Variants in CPEB4 observed in about 807,000 individuals in gnomAD.
CPEB4 encodes the protein cytoplasmic polyadenylation element-binding protein 4.
In CPEB4, 12 loss-of-function variants were observed where a neutral mutation model predicts 72.5. The observed-to-expected ratio is 0.17, with a 90% confidence interval of 0.11 to 0.27. The LOEUF (loss-of-function observed/expected upper bound fraction) is 0.27, where lower values mean the gene tolerates loss of function less well. CPEB4 is among the 10% of genes least tolerant of loss of function. The probability of loss-of-function intolerance (pLI) is 1.00; values close to 1 mark genes in which losing one functional copy is unlikely to be tolerated. For missense variants in CPEB4, 614 were observed against 908.5 expected (o/e 0.68, Z 4.17); for synonymous variants, 302 against 326.3 (o/e 0.93, Z 0.80).
chr5:173,919,942 A>G (rs1224236213), intron 2 of CPEB4, among the ~76,000 whole-genome samples: 2 of 152,228 alleles, frequency 1.3e-5, no homozygotes, highest in Non-Finnish European at 2.9e-5. Flanking sequence ...AAAACTAAAA[A>G]GGAGGAGAGA....
At chr5:173,937,743 C>T (rs944244862) in intron 3 of CPEB4, among the ~76,000 whole-genome samples, 1 of 152,076 alleles carries the variant, frequency 6.6e-6, no homozygotes, top group African/African-American at 2.4e-5. Context: ...TCATTTGCTT[C>T]CCATTTTTAT....
At chr5:173,933,977 A>G (rs1757531981) in intron 3 of CPEB4, among the ~76,000 whole-genome samples, 1 of 152,196 alleles carries the variant, frequency 6.6e-6, no homozygotes, top group South Asian at 2.1e-4. Flanking sequence ...GAGTCCAGGA[A>G]TTCAACACCA....
chr5:173,910,035 A>G (rs1169996267), intron 1 of CPEB4, among the ~76,000 whole-genome samples: 1 of 146,472 alleles, frequency 6.8e-6, no homozygotes, highest in Non-Finnish European at 1.5e-5. Flanking sequence ...TTTTTTTTGT[A>G]TGCTTTACCA....
chr5:173,961,361 T>C lies in CPEB4; in HGVS notation c.*5224T>C, dbSNP rs1758544647. 6.6e-6 allele frequency: 1 copy of C among 152,238 alleles called. No homozygotes were observed. Among genetic ancestry groups the C allele is most frequent in the African/African-American group, 2.4e-5 (1 of 41,474 alleles). 9.4% of individuals were successfully genotyped at this position (152,238 alleles called of 1,614,324 possible). A position where few individuals can be genotyped will look rare whatever the true frequency, so the allele number is the denominator to read the frequency against. On this transcript the variant is annotated 3_prime_UTR_variant, in exon 10 of 10. Transcript: ENST00000265085. ...AAAAAGATAGCCCAAGCATATTTAGTTTATTTTAGGAAATGTTTATTTCAG... is the reference window on the plus strand; with the variant it reads ...AAAAAGATAGCCCAAGCATATTTAGCTTATTTTAGGAAATGTTTATTTCAG...
intron 2 of CPEB4, among the ~76,000 whole-genome samples, chr5:173,921,799 G>C (rs1275033683): frequency 6.6e-6 from 1 of 152,236 alleles, no homozygotes; most frequent in Non-Finnish European, 1.5e-5. Flanking sequence ...TTGAAGGATA[G>C]TTTTGATGCT....
intron 5 of CPEB4, among the ~76,000 whole-genome samples, chr5:173,945,960 T>C (rs1343560529): frequency 6.6e-6 from 1 of 152,250 alleles, no homozygotes; most frequent in East Asian, 1.9e-4. Context: ...TAATTTCTTT[T>C]GTCTTCGTTT....
chr5:173,929,633 G>A (rs938514570), intron 2 of CPEB4, among the ~76,000 whole-genome samples: 1 of 152,224 alleles, frequency 6.6e-6, no homozygotes, highest in South Asian at 2.1e-4. Flanking sequence ...CTGGGAGGTC[G>A]AGGCTGGAGC....
chr5:173,906,270 A>G (rs183304059), intron 1 of CPEB4, among the ~76,000 whole-genome samples: 58 of 152,302 alleles, frequency 3.8e-4, no homozygotes, highest in Non-Finnish European at 6.8e-4. Flanking sequence ...GGGTTTGTTT[A>G]TCTGTGTCCC....
chr5:173,940,260 A>G (rs1757790459), intron 3 of CPEB4, among the ~76,000 whole-genome samples: 1 of 152,200 alleles, frequency 6.6e-6, no homozygotes, highest in Non-Finnish European at 1.5e-5. Flanking sequence ...TGGTAACTGA[A>G]GGAAACTTCT....
Position 173,888,521 on chromosome 5 carries a change from C to A in CPEB4, c.-1213C>A. The A allele has an allele frequency of 2.5e-6, 1 of 405,924 alleles. No homozygotes were observed. The highest frequency in any genetic ancestry group is 4.4e-5 in the Admixed American group (1 of 22,792). The allele number at this position is 405,924 out of a possible 1,614,324, so 25.1% of individuals were successfully genotyped here. On this transcript the variant is annotated 5_prime_UTR_variant, in exon 1 of 10. Transcript: ENST00000265085. The surrounding 1 kb of genome is among the most constrained non-coding windows in gnomAD (Gnocchi z 4.3). ...TCCTCAACAACGACAGCGGGGACTGCGGGACCAGGGTAAAGCGGCGACGGC... is the reference window on the plus strand; with the variant it reads ...TCCTCAACAACGACAGCGGGGACTGAGGGACCAGGGTAAAGCGGCGACGGC...
intron 2 of CPEB4, among the ~76,000 whole-genome samples, chr5:173,916,296 A>C (rs10475597): frequency 6.6e-6 from 1 of 152,236 alleles, no homozygotes; most frequent in East Asian, 1.9e-4. Context: ...GAAAGGCTCA[A>C]CATATCCACC....
chr5:173,954,347 G>C (rs1219257293), intron 9 of CPEB4, among the ~76,000 whole-genome samples: 2 of 152,094 alleles, frequency 1.3e-5, no homozygotes, highest in African/African-American at 4.8e-5. Flanking sequence ...TAAGCATGGG[G>C]GAGGGACAAG....
chr5:173,927,925 A>G (rs1757307681), intron 2 of CPEB4, among the ~76,000 whole-genome samples: 1 of 152,264 alleles, frequency 6.6e-6, no homozygotes, highest in African/African-American at 2.4e-5. Context: ...AATATAGATT[A>G]GTAAACTGTG....
At position 173,890,602 on chromosome 5, in the gene CPEB4, G is replaced by A. The variant is rs372054497; in HGVS notation, c.869G>A (p.Ser290Asn). Residue 290 changes from serine (S) to asparagine (N), a missense_variant, in exon 1 of 10, where the codon AGT becomes AAT. Physicochemically the swap from Ser to Asn is conservative, Grantham distance 46. This residue lies in a region of CPEB4 where 458 missense variants were observed against 548.6 expected (regional missense o/e 0.83). Coordinates refer to ENST00000265085, the MANE Select transcript of CPEB4 (RefSeq NM_030627.4). The part of the protein sequence containing the change: ...KPPSPWSSYQ[S>N]PSPTPSSSWS... ...CCCTCTCCGTGGAGCAGCTACCAGA[G>A]TCCGTCACCAACACCCTCCTCTTCC... 3.3e-5 allele frequency: 54 copies of A among 1,613,972 alleles called. No homozygotes were observed. Among genetic ancestry groups the A allele is most frequent in the Non-Finnish European group, 4.6e-5 (54 of 1,180,010 alleles).
intron 1 of CPEB4, among the ~76,000 whole-genome samples, chr5:173,893,605 G>T (rs567277428): frequency 6.6e-6 from 1 of 152,092 alleles, no homozygotes; most frequent in African/African-American, 2.4e-5. Flanking sequence ...TTCCTTAGGC[G>T]TGATAGAGAG....
In CPEB4 at chr5:173,888,441, G is replaced by A; in HGVS notation, c.-1293G>A. On this transcript the variant is annotated 5_prime_UTR_variant, in exon 1 of 10. Coordinates refer to ENST00000265085, the MANE Select transcript of CPEB4 (RefSeq NM_030627.4). This position sits in a 1 kb window ranked among gnomAD's most constrained non-coding sequence, Gnocchi z 4.3. ...CGGCGGCGGCGGCGGCAGCAGCGGC[G>A]ACAGCAGAGGAGGAAGAGGAGGAAG... 1 of 455,338 alleles carries A rather than the reference G, an allele frequency of 2.2e-6. No individual in the cohort carries two copies. Among genetic ancestry groups the A allele is most frequent in the Non-Finnish European group, 3.8e-6 (1 of 264,302 alleles). The allele number at this position is 455,338 out of a possible 1,614,324, so 28.2% of individuals were successfully genotyped here. A position where few individuals can be genotyped will look rare whatever the true frequency, so the allele number is the denominator to read the frequency against.
chr5:173,890,260 C>G lies in CPEB4; in HGVS notation c.527C>G (p.Ala176Gly). The G allele has an allele frequency of 6.2e-7, 1 of 1,613,968 alleles. No individual in the cohort carries two copies. Among genetic ancestry groups the G allele is most frequent in the Non-Finnish European group, 8.5e-7 (1 of 1,179,934 alleles). Residue 176 changes from alanine to glycine, a missense_variant, in exon 1 of 10, where the codon GCG becomes GGG. Physicochemically the swap from Ala to Gly is moderately conservative, Grantham distance 60. Around this residue, in one of 5 missense-constraint regions of CPEB4, gnomAD observed 458 missense variants for 548.6 expected, o/e 0.83. Coordinates refer to ENST00000265085, the MANE Select transcript of CPEB4 (RefSeq NM_030627.4). ...TGFSNWSAAI[A>G]PSSSTIINED... is the part of the protein sequence containing the mutation. ...TTCAGTAACTGGTCAGCAGCGATAG[C>G]GCCTTCCTCCTCTACAATAATCAAT... is the stretch of plus-strand genomic sequence containing the variant.
chr5:173,935,849 A>C (rs923106243), intron 3 of CPEB4, among the ~76,000 whole-genome samples: 2 of 152,240 alleles, frequency 1.3e-5, no homozygotes, highest in Admixed American at 1.3e-4. Flanking sequence ...TTGCCTTTAC[A>C]AAGATAAATA....
intron 5 of CPEB4, among the ~76,000 whole-genome samples, chr5:173,946,449 G>A (rs1347717994): frequency 3.3e-5 from 5 of 152,168 alleles, no homozygotes; most frequent in Admixed American, 2.6e-4. Context: ...GGACAATTCA[G>A]GCAAGTAGCT....
Sources: allele counts gnomAD v4.1 joint callset (sites outside exome capture counted in the v4.1 genomes callset), GRCh38; gene constraint gnomAD v4.1.1; regional missense constraint gnomAD v4.1.1; non-coding constraint Gnocchi (gnomAD v3.1); transcripts MANE v1.5; gene names NCBI Gene and HGNC (gene_info 2026-07-23, HGNC 2026-07-21).